The following CPQ variants were observed in gnomAD, a reference collection of about 807,000 sequenced individuals.
CPQ encodes Ser-Met dipeptidase.
CPQ carries 37 observed loss-of-function variants against 45.7 expected under a neutral mutation model. The observed-to-expected ratio is 0.81, with a 90% CI of 0.62 to 1.07. The LOEUF is 1.07. Ranked by LOEUF, CPQ falls within the 50% of genes least tolerant of loss-of-function variation. The probability of loss-of-function intolerance (pLI) is 0.00; values close to 1 mark genes in which losing one functional copy is unlikely to be tolerated. For synonymous variants in CPQ, 186 were observed against 205.8 expected (o/e 0.90, Z 0.82); for missense variants, 537 against 572.9 (o/e 0.94, Z 0.64).
chr8:97,130,305 A>G (rs985846186), intron 7 of CPQ, among the ~76,000 whole-genome samples: 2 of 152,138 alleles, frequency 1.3e-5, no homozygotes, highest in African/African-American at 2.4e-5. Context: ...GCAGCAGCAA[A>G]TCTCAAGCAT....
intron 6 of CPQ, among the ~76,000 whole-genome samples, chr8:97,044,178 T>C (rs1279809903): frequency 6.6e-6 from 1 of 152,168 alleles, no homozygotes; most frequent in African/African-American, 2.4e-5. Context: ...AGGCTTTGTT[T>C]GTTTCTTTTT....
chr8:97,022,608 G>A (rs1441678674), intron 5 of CPQ, among the ~76,000 whole-genome samples: 2 of 151,940 alleles, frequency 1.3e-5, no homozygotes, highest in Admixed American at 1.3e-4. Context: ...TATACAAATG[G>A]CCAACAAACA....
At chr8:96,680,701 G>A (rs1809139116) in intron 1 of CPQ, among the ~76,000 whole-genome samples, 1 of 152,186 alleles carries the variant, frequency 6.6e-6, no homozygotes, top group Non-Finnish European at 1.5e-5. Flanking sequence ...TTTGGGACTG[G>A]GTAACATGCA....
intron 7 of CPQ, among the ~76,000 whole-genome samples, chr8:97,118,752 A>C (rs1207162409): frequency 6.6e-6 from 1 of 152,118 alleles, no homozygotes; most frequent in African/African-American, 2.4e-5. Flanking sequence ...TCAAAGAAAA[A>C]AATTGTATAT....
intron 3 of CPQ, among the ~76,000 whole-genome samples, chr8:96,853,496 T>C (rs1811800632): frequency 1.3e-5 from 2 of 152,174 alleles, no homozygotes; most frequent in Admixed American, 1.3e-4. Context: ...ACAGACCTTC[T>C]GAAAGAGCAA....
At chr8:96,978,257 C>A (rs1426432783) in intron 5 of CPQ, among the ~76,000 whole-genome samples, 2 of 152,132 alleles carry the variant, frequency 1.3e-5, no homozygotes, top group Non-Finnish European at 2.9e-5. Flanking sequence ...CACTCAACAA[C>A]CTTATGTCTC....
At chr8:96,822,638 C>G (rs1811324418) in intron 2 of CPQ, among the ~76,000 whole-genome samples, 1 of 151,942 alleles carries the variant, frequency 6.6e-6, no homozygotes, top group Admixed American at 6.6e-5. Context: ...TGGTTCCTGC[C>G]TTTTTGTCAG....
intron 3 of CPQ, among the ~76,000 whole-genome samples, chr8:96,837,119 G>A (rs1811540949): frequency 6.6e-6 from 1 of 151,990 alleles, no homozygotes; most frequent in Non-Finnish European, 1.5e-5. Flanking sequence ...TATTGATAGG[G>A]AAATAAAAGT....
At position 96,908,747 on chromosome 8, in the gene CPQ, G is replaced by GCGCGCA. The variant is rs149476038; in HGVS notation, c.849+28743_849+28744insGCGCAC. On this transcript the variant is annotated intron_variant, in intron 4 of 7. Coordinates refer to ENST00000220763, the MANE Select transcript of CPQ (RefSeq NM_016134.4). ...TCTCTTTTCAGTTTTATACACATGC[G>GCGCGCA]CACACACACACACACACACACACAC... Among the ~76,000 whole-genome samples the GCGCGCA allele has an allele frequency of 1.1e-4, 16 of 141,016 alleles. No individual in the cohort carries two copies. In the South Asian group the frequency reaches 2.7e-3, roughly 24 times the overall value. 92.5% of individuals were successfully genotyped at this position (141,016 alleles called of 152,430 possible).
At chr8:97,059,495 A>C (rs1810510924) in intron 6 of CPQ, among the ~76,000 whole-genome samples, 1 of 152,192 alleles carries the variant, frequency 6.6e-6, no homozygotes, top group Non-Finnish European at 1.5e-5. Flanking sequence ...AAGCTGTTCA[A>C]AACTGAGTGC....
At chr8:97,037,409 A>C (rs1440446316) in intron 6 of CPQ, among the ~76,000 whole-genome samples, 1 of 152,190 alleles carries the variant, frequency 6.6e-6, no homozygotes, top group Non-Finnish European at 1.5e-5. Context: ...TTGTGTCCGG[A>C]CTATGTCTCC....
At chr8:96,715,984 T>A (rs1809668179) in intron 1 of CPQ, among the ~76,000 whole-genome samples, 4 of 152,042 alleles carry the variant, frequency 2.6e-5, no homozygotes, top group Admixed American at 2.6e-4. Context: ...GGCAGGGGAG[T>A]GACATAGACT....
chr8:97,104,251 C>G (rs1811364004), intron 7 of CPQ, among the ~76,000 whole-genome samples: 1 of 152,002 alleles, frequency 6.6e-6, no homozygotes, highest in Non-Finnish European at 1.5e-5. Context: ...TTTTTAATCT[C>G]TAAAATCAGG....
chr8:97,093,694 C>A (rs188392587), intron 7 of CPQ, among the ~76,000 whole-genome samples: 3 of 152,162 alleles, frequency 2.0e-5, no homozygotes, highest in Non-Finnish European at 4.4e-5. Flanking sequence ...ATGCGTATTA[C>A]CTAGACAAGG....
At chr8:96,821,126 A>ATTTTTTTTTT (rs572906188) in intron 2 of CPQ, among the ~76,000 whole-genome samples, 60 of 60,912 alleles carry the variant, frequency 9.9e-4, no homozygotes, top group African/African-American at 1.6e-3. Context: ...TTTAATCTGA[A>ATTTTTTTTTT]TTTTTTTTTT....
At chr8:97,084,119 A>G (rs1054899587) in intron 7 of CPQ, among the ~76,000 whole-genome samples, 2 of 152,156 alleles carry the variant, frequency 1.3e-5, no homozygotes, top group Non-Finnish European at 2.9e-5. Flanking sequence ...AAAACTGCCT[A>G]TATCAAAGAA....
At chr8:96,710,505 C>T (rs1205219875) in intron 1 of CPQ, among the ~76,000 whole-genome samples, 1 of 152,134 alleles carries the variant, frequency 6.6e-6, no homozygotes, top group Non-Finnish European at 1.5e-5. Flanking sequence ...TTCCTCTTAG[C>T]ACTGCTCTTG....
chr8:96,979,858 C>T (rs555786166), intron 5 of CPQ, among the ~76,000 whole-genome samples: 11 of 152,136 alleles, frequency 7.2e-5, no homozygotes, highest in Non-Finnish European at 1.3e-4. Context: ...CTCGTGCCCT[C>T]CTCATATTAG....
At chr8:96,911,408 T>A (rs1586448383) in intron 4 of CPQ, among the ~76,000 whole-genome samples, 1 of 152,174 alleles carries the variant, frequency 6.6e-6, no homozygotes, top group Non-Finnish European at 1.5e-5. Context: ...GTGGCAGGTG[T>A]GAAAAGAGTC....
Sources: allele counts gnomAD v4.1 joint callset (sites outside exome capture counted in the v4.1 genomes callset), GRCh38; gene constraint gnomAD v4.1.1; transcripts MANE v1.5; gene names NCBI Gene and HGNC (gene_info 2026-07-23, HGNC 2026-07-21).